Variants in CDC42SE2 observed in about 807,000 individuals in gnomAD.
The protein encoded by CDC42SE2 is CDC42 small effector 2.
In CDC42SE2, 3 loss-of-function variants were observed where a neutral mutation model predicts 11.5. The ratio of observed to expected loss-of-function variants is 0.26; its 90% CI spans 0.12 to 0.67. The LOEUF (loss-of-function observed/expected upper bound fraction) is 0.67. CDC42SE2 is among the 30% of genes least tolerant of loss of function. CDC42SE2 has a pLI of 0.80. For missense variants in CDC42SE2, 82 were observed against 106.8 expected, an observed-to-expected ratio of 0.77 and a Z score of 1.02; for synonymous variants, 33 against 34.8, an observed-to-expected ratio of 0.95 and a Z score of 0.18.
At position 131,292,657 on chromosome 5, in the gene CDC42SE2, G is replaced by C. The variant is rs568332245; in HGVS notation, c.-454-23319G>C. Reference sequence around the variant, plus strand: ...CTTGTGCCTGTAATCCCAGCACTTTGGGAGGCTGAGGTTGGCAGATCTCAA... The same window carrying C: ...CTTGTGCCTGTAATCCCAGCACTTTCGGAGGCTGAGGTTGGCAGATCTCAA... On this transcript the variant is annotated intron_variant, in intron 1 of 4. Transcript: ENST00000505065. 2.0e-5 allele frequency among the ~76,000 whole-genome samples: 3 copies of C among 151,868 alleles called. No homozygotes were observed. In the South Asian group the frequency reaches 6.2e-4, roughly 31 times the overall value.
At chr5:131,323,570 TTTTG>T (rs1334210710) in intron 2 of CDC42SE2, among the ~76,000 whole-genome samples, 13 of 144,954 alleles carry the variant, frequency 9.0e-5, no homozygotes, top group African/African-American at 2.9e-4. Context: ...TTTTTTTTTT[TTTTG>T]TATTTAAATG....
chr5:131,269,101 A>G (rs1756939193), intron 1 of CDC42SE2, among the ~76,000 whole-genome samples: 1 of 152,072 alleles, frequency 6.6e-6, no homozygotes, highest in Admixed American at 6.6e-5. Flanking sequence ...CCTTGGTTCA[A>G]AGCTTAAGTA....
intron 1 of CDC42SE2, among the ~76,000 whole-genome samples, chr5:131,279,849 G>A (rs919754684): frequency 1.3e-5 from 2 of 152,178 alleles, no homozygotes; most frequent in East Asian, 1.9e-4. Context: ...TGAGGTGGGC[G>A]ATTGCTTGAG....
At chr5:131,322,474 C>G (rs1758212851) in intron 2 of CDC42SE2, among the ~76,000 whole-genome samples, 1 of 152,140 alleles carries the variant, frequency 6.6e-6, no homozygotes, top group Non-Finnish European at 1.5e-5. Flanking sequence ...AAGGCTCATC[C>G]ATTTTATAGC....
intron 1 of CDC42SE2, among the ~76,000 whole-genome samples, chr5:131,275,083 A>G (rs1757073745): frequency 6.6e-6 from 1 of 152,214 alleles, no homozygotes; most frequent in African/African-American, 2.4e-5. Flanking sequence ...GTGAAAATAC[A>G]CAGTAAAATG....
At chr5:131,324,067 GTTC>G (rs1758248903) in intron 2 of CDC42SE2, among the ~76,000 whole-genome samples, 1 of 152,158 alleles carries the variant, frequency 6.6e-6, no homozygotes, top group Non-Finnish European at 1.5e-5. Context: ...ATTACTTGCA[GTTC>G]TTGTTTTTCT....
upstream of CDC42SE2, among the ~76,000 whole-genome samples, chr5:131,241,738 C>G (rs1756542329): frequency 6.6e-6 from 1 of 152,028 alleles, no homozygotes; most frequent in South Asian, 2.1e-4. Context: ...CACTCAAACT[C>G]TCATAATTCC....
chr5:131,369,166 T>A (rs945114490), intron 3 of CDC42SE2, among the ~76,000 whole-genome samples: 2 of 152,244 alleles, frequency 1.3e-5, no homozygotes, highest in Non-Finnish European at 1.5e-5. Flanking sequence ...CTGTTTTAAC[T>A]TTAAATGGAG....
At chr5:131,340,821 G>A (rs1758694738) in intron 2 of CDC42SE2, among the ~76,000 whole-genome samples, 1 of 151,980 alleles carries the variant, frequency 6.6e-6, no homozygotes, top group Non-Finnish European at 1.5e-5. Context: ...GGAATTACAG[G>A]CATGTACCAC....
intron 2 of CDC42SE2, among the ~76,000 whole-genome samples, chr5:131,330,587 A>G (rs1211684007): frequency 6.6e-6 from 1 of 152,110 alleles, no homozygotes; most frequent in African/African-American, 2.4e-5. Flanking sequence ...CTCCAGGGGC[A>G]TTTGGCAGTG....
chr5:131,297,266 T>C (rs1757589099), intron 1 of CDC42SE2, among the ~76,000 whole-genome samples: 1 of 151,964 alleles, frequency 6.6e-6, no homozygotes, highest in East Asian at 1.9e-4. Context: ...AGAATGAGGC[T>C]GTTATTTAGT....
At chr5:131,373,836 G>A (rs916679208) in intron 3 of CDC42SE2, among the ~76,000 whole-genome samples, 2 of 152,184 alleles carry the variant, frequency 1.3e-5, no homozygotes, top group African/African-American at 2.4e-5. Flanking sequence ...AACAAGAAAC[G>A]ATGCTTGGAA....
At chr5:131,324,233 T>A (rs962380320) in intron 2 of CDC42SE2, among the ~76,000 whole-genome samples, 2 of 152,200 alleles carry the variant, frequency 1.3e-5, no homozygotes, top group African/African-American at 4.8e-5. Flanking sequence ...GTATTAGAAG[T>A]CATTTTTTAA....
intron 1 of CDC42SE2, among the ~76,000 whole-genome samples, chr5:131,281,601 T>C (rs1312795731): frequency 3.3e-5 from 5 of 152,218 alleles, no homozygotes; most frequent in Non-Finnish European, 7.3e-5. Flanking sequence ...TTTTAAGATT[T>C]ATTTTGTGAA....
At chr5:131,377,269 A>G (rs1338740053) in intron 3 of CDC42SE2, among the ~76,000 whole-genome samples, 9 of 151,844 alleles carry the variant, frequency 5.9e-5, no homozygotes, top group Admixed American at 5.9e-4. Flanking sequence ...CCCGGGTTCA[A>G]ACGATTATTG....
intron 1 of CDC42SE2, among the ~76,000 whole-genome samples, chr5:131,275,858 A>G (rs1191005408): frequency 6.6e-6 from 1 of 151,530 alleles, no homozygotes; most frequent in Non-Finnish European, 1.5e-5. Flanking sequence ...TTAGTACTGT[A>G]CTGCCTAGTT....
chr5:131,337,612 TC>T (rs1324676861), intron 2 of CDC42SE2, among the ~76,000 whole-genome samples: 2 of 152,234 alleles, frequency 1.3e-5, no homozygotes, highest in African/African-American at 4.8e-5. Context: ...TGTGGTGGGC[TC>T]CACCCAGTTC....
intron 2 of CDC42SE2, among the ~76,000 whole-genome samples, chr5:131,339,913 C>G (rs1406393837): frequency 6.6e-6 from 1 of 151,670 alleles, no homozygotes; most frequent in African/African-American, 2.4e-5. Context: ...GGTAAAAGTC[C>G]TAAATATATA....
chr5:131,335,057 T>G (rs1758520870), intron 2 of CDC42SE2, among the ~76,000 whole-genome samples: 3 of 152,176 alleles, frequency 2.0e-5, no homozygotes, highest in Non-Finnish European at 4.4e-5. Context: ...AATTGTGATG[T>G]TAGGGTGTCA....
Sources: gnomAD v4.1 joint callset for allele counts (sites outside exome capture counted in the v4.1 genomes callset) on GRCh38, gnomAD v4.1.1 for gene constraint, MANE v1.5 for transcripts, NCBI Gene and HGNC (gene_info 2026-07-23, HGNC 2026-07-21) for gene names.